Variants in OPCML observed in about 807,000 individuals in gnomAD.
OPCML encodes opioid binding protein/cell adhesion molecule like, also known as opioid-binding protein/cell adhesion molecule.
A neutral mutation model predicts 37.8 loss-of-function variants in OPCML; 13 were observed. That is an observed-to-expected ratio of 0.34 (90% CI 0.22 to 0.55). OPCML has a LOEUF of 0.55. OPCML is among the 20% of genes least tolerant of loss of function. The pLI, the probability that OPCML is intolerant of heterozygous loss-of-function variation, is 0.91. For missense variants in OPCML, 341 were observed against 435.6 expected, an observed-to-expected ratio of 0.78 and a Z score of 1.93; for synonymous variants, 176 against 168.8, an observed-to-expected ratio of 1.04 and a Z score of -0.33.
chr11:133,256,766 A>G (rs1418551766), intron 1 of OPCML, among the ~76,000 whole-genome samples: 5 of 152,260 alleles, frequency 3.3e-5, no homozygotes, highest in Non-Finnish European at 4.4e-5. Flanking sequence ...ATAATGATAT[A>G]GATTACATAA....
chr11:133,107,153 G>A (rs1218667559), intron 1 of OPCML, among the ~76,000 whole-genome samples: 1 of 152,172 alleles, frequency 6.6e-6, no homozygotes, highest in Non-Finnish European at 1.5e-5. Context: ...CCTATCCTGT[G>A]GTAGAACAGT....
At chr11:133,436,794 C>A (rs1188624860) in intron 1 of OPCML, among the ~76,000 whole-genome samples, 1 of 152,128 alleles carries the variant, frequency 6.6e-6, no homozygotes, top group East Asian at 1.9e-4. Context: ...TTCTGAGGAG[C>A]AAGGGTAATA....
chr11:133,388,028 G>A (rs750894354), intron 1 of OPCML, among the ~76,000 whole-genome samples: 9 of 152,258 alleles, frequency 5.9e-5, no homozygotes, highest in South Asian at 2.1e-4. Flanking sequence ...GGGGCAGATC[G>A]TATGGGGCCC....
rs150861162 is a variant in OPCML, at chr11:132,931,750, G to A, written c.146+11176C>T. Among the ~76,000 whole-genome samples, 736 of 152,230 alleles carry A rather than the reference G, an allele frequency of 4.8e-3. 5 individuals are homozygous for A. The highest frequency in any genetic ancestry group is 0.016 in the African/African-American group (681 of 41,548). Reference sequence around the variant, plus strand: ...TCTACCACTATGAAAACTGCGTGGCGTTTCCTCAAAAAAATTAAACATACA... The same window carrying A: ...TCTACCACTATGAAAACTGCGTGGCATTTCCTCAAAAAAATTAAACATACA... On this transcript the variant is annotated intron_variant, in intron 2 of 7. Transcript: ENST00000524381.
intron 2 of OPCML, among the ~76,000 whole-genome samples, chr11:132,745,499 C>A (rs902406199): frequency 1.3e-5 from 2 of 149,014 alleles, no homozygotes; most frequent in East Asian, 3.9e-4. Context: ...TAACCTTTCT[C>A]CTCTCCCTTG....
At chr11:132,794,846 G>A (rs1471660424) in intron 2 of OPCML, among the ~76,000 whole-genome samples, 1 of 150,694 alleles carries the variant, frequency 6.6e-6, no homozygotes, top group Non-Finnish European at 1.5e-5. Context: ...AACTTAAAAT[G>A]AGTGAACCCA....
intron 2 of OPCML, among the ~76,000 whole-genome samples, chr11:132,889,569 T>C (rs1943563823): frequency 6.6e-6 from 1 of 152,218 alleles, no homozygotes; most frequent in Non-Finnish European, 1.5e-5. Context: ...GCAGAACTAT[T>C]AGGTTTTCCT....
intron 2 of OPCML, among the ~76,000 whole-genome samples, chr11:132,730,451 G>A (rs759988010): frequency 1.3e-5 from 2 of 152,162 alleles, no homozygotes; most frequent in Non-Finnish European, 2.9e-5. Flanking sequence ...TGGGAAAATA[G>A]CTCTGATCCT....
At chr11:133,101,190 T>A (rs1356932403) in intron 1 of OPCML, among the ~76,000 whole-genome samples, 3 of 152,170 alleles carry the variant, frequency 2.0e-5, no homozygotes, top group Non-Finnish European at 4.4e-5. Context: ...CCCAAAGTGC[T>A]AGGGTGACAA....
chr11:132,740,867 T>C (rs899105675), intron 2 of OPCML, among the ~76,000 whole-genome samples: 5 of 152,200 alleles, frequency 3.3e-5, no homozygotes, highest in African/African-American at 7.2e-5. Context: ...TCAACAAATA[T>C]TTATTAAATG....
intron 2 of OPCML, among the ~76,000 whole-genome samples, chr11:132,933,819 A>G (rs1207510576): frequency 6.6e-6 from 1 of 152,170 alleles, no homozygotes; most frequent in Non-Finnish European, 1.5e-5. Context: ...AGAAAAGCAC[A>G]CGGCGGTACA....
rs529320890 is a variant in OPCML, at chr11:132,961,980, C to T, written c.62-18970G>A. On this transcript the variant is annotated intron_variant, in intron 1 of 7. Transcript: ENST00000524381. ...TGGATGCCCTCAGAATTCTATCCTCCGTACTGTAATCTTGTTACAATACAT... is the reference window on the plus strand; with the variant it reads ...TGGATGCCCTCAGAATTCTATCCTCTGTACTGTAATCTTGTTACAATACAT... Among the ~76,000 whole-genome samples, 218 of 152,316 alleles carry T rather than the reference C, an allele frequency of 1.4e-3. 4 individuals carry two copies. The highest frequency in any genetic ancestry group is 3.4e-3 in the Middle Eastern group (1 of 294).
chr11:132,501,176 T>C (rs1050183662), intron 4 of OPCML, among the ~76,000 whole-genome samples: 3 of 152,196 alleles, frequency 2.0e-5, no homozygotes, highest in Non-Finnish European at 4.4e-5. Context: ...TGGCTACCCA[T>C]ATGCAGAAAA....
At chr11:132,463,176 A>G (rs2096108521) in intron 4 of OPCML, among the ~76,000 whole-genome samples, 1 of 152,200 alleles carries the variant, frequency 6.6e-6, no homozygotes, top group Non-Finnish European at 1.5e-5. Flanking sequence ...ATCTCACTAC[A>G]TCAGCAATGC....
chr11:133,519,424 G>A (rs890073183), intron 1 of OPCML, among the ~76,000 whole-genome samples: 1 of 152,184 alleles, frequency 6.6e-6, no homozygotes, highest in Admixed American at 6.5e-5. Flanking sequence ...ATCTGGGAGA[G>A]ACACAACAGA....
intron 2 of OPCML, among the ~76,000 whole-genome samples, chr11:132,780,067 G>A (rs915435051): frequency 1.3e-5 from 2 of 152,112 alleles, no homozygotes; most frequent in East Asian, 3.9e-4. Context: ...CATGAGAAGT[G>A]GGCAAATGCA....
chr11:133,393,832 T>C (rs762068348), intron 1 of OPCML, among the ~76,000 whole-genome samples: 2 of 152,234 alleles, frequency 1.3e-5, no homozygotes, highest in African/African-American at 4.8e-5. Flanking sequence ...AAGATTCCAA[T>C]GACTACAGCT....
intron 2 of OPCML, among the ~76,000 whole-genome samples, chr11:132,790,539 G>T (rs926084467): frequency 6.6e-6 from 1 of 152,196 alleles, no homozygotes; most frequent in African/African-American, 2.4e-5. Flanking sequence ...TGATAGGCTG[G>T]TTCTCTTACT....
chr11:133,347,519 GT>G (rs910951438), intron 1 of OPCML, among the ~76,000 whole-genome samples: 5 of 151,862 alleles, frequency 3.3e-5, no homozygotes, highest in African/African-American at 1.2e-4. Flanking sequence ...TTAGGGAAGT[GT>G]TTTTTTTCTC....
Sources: allele counts gnomAD v4.1 joint callset (sites outside exome capture counted in the v4.1 genomes callset), GRCh38; gene constraint gnomAD v4.1.1; transcripts MANE v1.5; gene names NCBI Gene and HGNC (gene_info 2026-07-23, HGNC 2026-07-21).